Variants in PHACTR1 observed in about 807,000 individuals in gnomAD.
The protein encoded by PHACTR1 is phosphatase and actin regulator 1.
A neutral mutation model predicts 69.2 loss-of-function variants in PHACTR1; 16 were observed. The observed-to-expected ratio is 0.23, with a 90% confidence interval of 0.16 to 0.35. The LOEUF (loss-of-function observed/expected upper bound fraction) is 0.35, where lower values mean the gene tolerates loss of function less well. Among genes scored for constraint, PHACTR1 ranks in the 10% least tolerant of loss-of-function variants. The pLI is 1.00. For synonymous variants in PHACTR1, 312 were observed against 284.5 expected, an observed-to-expected ratio of 1.10 and a Z score of -0.97; for missense variants, 510 against 734.7, an observed-to-expected ratio of 0.69 and a Z score of 3.54.
At chr6:13,094,278 T>C (rs116076118) in intron 5 of PHACTR1, among the ~76,000 whole-genome samples, 1,825 of 146,648 alleles carry the variant, frequency 0.012, 33 homozygotes, top group African/African-American at 0.042. Flanking sequence ...GGTTCTATTA[T>C]TTTTTAAAAA....
intron 4 of PHACTR1, among the ~76,000 whole-genome samples, chr6:12,902,641 A>G (rs1413195315): frequency 6.6e-6 from 1 of 152,166 alleles, no homozygotes; most frequent in Non-Finnish European, 1.5e-5. Flanking sequence ...GCTGAGGGGC[A>G]TAACCTGGAT....
chr6:13,027,681 G>A (rs972052914), intron 4 of PHACTR1, among the ~76,000 whole-genome samples: 4 of 74,892 alleles, frequency 5.3e-5, no homozygotes, highest in African/African-American at 1.2e-4. Flanking sequence ...ATAATATGTG[G>A]AATTTTTTTT....
At chr6:12,724,209 C>T (rs1762498190) in intron 3 of PHACTR1, among the ~76,000 whole-genome samples, 1 of 152,092 alleles carries the variant, frequency 6.6e-6, no homozygotes, top group African/African-American at 2.4e-5. Flanking sequence ...CACCTGTAAT[C>T]CCAGCTACTC....
chr6:12,934,009 AT>A, intron 4 of PHACTR1: 1 of 1,481,408 alleles, frequency 6.8e-7, no homozygotes, highest in Non-Finnish European at 9.0e-7. Flanking sequence ...AACAATATCA[AT>A]TTGCTCTCTG....
chr6:13,015,774 A>G (rs535474688), intron 4 of PHACTR1, among the ~76,000 whole-genome samples: 1 of 152,346 alleles, frequency 6.6e-6, no homozygotes, highest in South Asian at 2.1e-4. Context: ...TTTAACCTAC[A>G]GCACACAGTT....
chr6:12,767,425 T>C (rs1166314825), intron 4 of PHACTR1, among the ~76,000 whole-genome samples: 1 of 152,214 alleles, frequency 6.6e-6, no homozygotes, highest in Non-Finnish European at 1.5e-5. Context: ...ACACATGTGT[T>C]TTTTAAGCAA....
At chr6:13,235,004 G>A (rs919983093) in intron 10 of PHACTR1, among the ~76,000 whole-genome samples, 2 of 152,168 alleles carry the variant, frequency 1.3e-5, no homozygotes, top group Non-Finnish European at 1.5e-5. Context: ...TGCCTGAATT[G>A]TAATGCGCAT....
At chr6:12,756,246 A>G (rs1454651793) in intron 4 of PHACTR1, among the ~76,000 whole-genome samples, 1 of 152,114 alleles carries the variant, frequency 6.6e-6, no homozygotes, top group Non-Finnish European at 1.5e-5. Flanking sequence ...GAAAAAGGGG[A>G]CATACATTAC....
intron 8 of PHACTR1, among the ~76,000 whole-genome samples, chr6:13,213,617 C>G (rs1161370104): frequency 6.6e-6 from 1 of 152,192 alleles, no homozygotes; most frequent in Non-Finnish European, 1.5e-5. Flanking sequence ...ACAAGTGGGG[C>G]TTTGAAAAGG....
At chr6:13,087,415 A>G (rs1812492087) in intron 5 of PHACTR1, among the ~76,000 whole-genome samples, 1 of 151,698 alleles carries the variant, frequency 6.6e-6, no homozygotes. Flanking sequence ...GAAAATTTGT[A>G]GAGCAATTTT....
intron 4 of PHACTR1, among the ~76,000 whole-genome samples, chr6:12,997,363 A>G (rs1350661417): frequency 1.4e-5 from 2 of 147,896 alleles, no homozygotes; most frequent in Admixed American, 6.8e-5. Flanking sequence ...ATTATATATA[A>G]GTAAATATAT....
At chr6:12,909,317 C>T (rs950771947) in intron 4 of PHACTR1, among the ~76,000 whole-genome samples, 9 of 152,204 alleles carry the variant, frequency 5.9e-5, no homozygotes, top group South Asian at 2.1e-4. Context: ...GCAATAATAA[C>T]GATGTCACTA....
intron 14 of PHACTR1, among the ~76,000 whole-genome samples, 166 bp from the exon 15 acceptor site, chr6:13,286,897 C>G (rs1781800742): frequency 6.6e-6 from 1 of 152,200 alleles, no homozygotes; most frequent in East Asian, 1.9e-4. Flanking sequence ...CCAGATGAAA[C>G]TTTCAAAGCC....
At chr6:13,252,134 G>A (rs1375134085) in intron 10 of PHACTR1, among the ~76,000 whole-genome samples, 1 of 150,664 alleles carries the variant, frequency 6.6e-6, no homozygotes, top group Non-Finnish European at 1.5e-5. Context: ...ACTTTGGGAG[G>A]CTGAGGTGGG....
At chr6:12,790,551 A>C (rs1047207367) in intron 4 of PHACTR1, among the ~76,000 whole-genome samples, 1 of 152,232 alleles carries the variant, frequency 6.6e-6, no homozygotes, top group Admixed American at 6.5e-5. Context: ...AATAAAATGT[A>C]AGCTCCTTTA....
intron 4 of PHACTR1, among the ~76,000 whole-genome samples, chr6:13,013,314 G>T (rs1799654628): frequency 6.6e-6 from 1 of 152,266 alleles, no homozygotes; most frequent in African/African-American, 2.4e-5. Flanking sequence ...CATCAATTAT[G>T]TTGTAACAGG....
At chr6:12,794,986 T>C (rs1772790651) in intron 4 of PHACTR1, among the ~76,000 whole-genome samples, 1 of 152,156 alleles carries the variant, frequency 6.6e-6, no homozygotes, top group Non-Finnish European at 1.5e-5. Flanking sequence ...TTGTCACAAA[T>C]GACCTAGACA....
rs1823696233 is a variant in PHACTR1 at position 13,148,115 on chromosome 6, T to G, written c.416-12089T>G. Among the ~76,000 whole-genome samples the G allele has an allele frequency of 2.6e-5, 3 of 113,674 alleles. No homozygotes were observed. The South Asian group carries it at 1.3e-3, about 48-fold the overall frequency. The allele number at this position is 113,674 out of a possible 152,430, so 74.6% of individuals were successfully genotyped here. ...TATATAAATGGAACCATAGTATATGTGTTCTTTTGCCTTGTTTTTTTTTTC... is the reference window on the plus strand; with the variant it reads ...TATATAAATGGAACCATAGTATATGGGTTCTTTTGCCTTGTTTTTTTTTTC... On this transcript the variant is annotated intron_variant, in intron 5 of 14. Transcript: ENST00000332995.
chr6:13,162,835 G>T (rs978422599), intron 6 of PHACTR1, among the ~76,000 whole-genome samples: 1 of 152,074 alleles, frequency 6.6e-6, no homozygotes, highest in Non-Finnish European at 1.5e-5. Context: ...CCAGACTGTT[G>T]GTGCCCCAAG....
Sources: gnomAD v4.1 joint callset for allele counts (sites outside exome capture counted in the v4.1 genomes callset) on GRCh38, gnomAD v4.1.1 for gene constraint, MANE v1.5 for transcripts, NCBI Gene and HGNC (gene_info 2026-07-23, HGNC 2026-07-21) for gene names.